STAT6: variants seen among roughly 807,000 people sequenced by gnomAD.
STAT6 encodes the protein STAT, interleukin4-induced.
A neutral mutation model predicts 106.3 loss-of-function variants in STAT6; 45 were observed. The observed-to-expected ratio is 0.42, with a 90% CI of 0.33 to 0.54. STAT6 has a LOEUF of 0.54. Ranked by LOEUF, STAT6 falls within the 20% of genes least tolerant of loss-of-function variation. The pLI is 0.06. For missense variants in STAT6, 797 were observed against 1,062.2 expected, an observed-to-expected ratio of 0.75 and a Z score of 3.47; for synonymous variants, 413 against 413.6, an observed-to-expected ratio of 1.00 and a Z score of 0.02.
chr12:57,099,846 G>A lies in STAT6; in HGVS notation c.1665C>T (p.Pro555=), dbSNP rs765180019. 4 of 1,614,208 alleles carry A rather than the reference G, an allele frequency of 2.5e-6. No individual in the cohort carries two copies. The highest frequency in any genetic ancestry group is 3.4e-6 in the Non-Finnish European group (4 of 1,180,034). ...TGAAGCGGAGGAGAAAGGTTCCGTC[G>A]GGCTCATTGAGAAGAAGGCTAGTAA... The part of the protein sequence containing the change: ...QYVTSLLLNE[P]DGTFLLRFSD... Residue 555 remains proline (P), a synonymous_variant, in exon 15 of 22, where the codon CCC becomes CCT. Coordinates refer to ENST00000300134, the MANE Select transcript of STAT6 (RefSeq NM_003153.5). This position sits in a 1 kb window ranked among gnomAD's most constrained non-coding sequence, Gnocchi z 4.7.
At chr12:57,101,950 C>T (rs938947842) in intron 13 of STAT6, among the ~76,000 whole-genome samples, 1 of 152,230 alleles carries the variant, frequency 6.6e-6, no homozygotes, top group Non-Finnish European at 1.5e-5. Context: ...AGGCATGAGC[C>T]GCTGTGCCCG....
Position 57,102,931 on chromosome 12 carries a change from G to A in STAT6, c.1213-10C>T. 1 of 1,551,218 alleles carries A rather than the reference G, an allele frequency of 6.4e-7. No homozygotes were observed. The highest frequency in any genetic ancestry group is 1.1e-5 in the South Asian group (1 of 88,986). Reference sequence around the variant, plus strand: ...GGGGCAGAGACAGGGCCTGAAGAGGGTGAGGACAGGGGTTTCTTTTCTTTC... The same window carrying A: ...GGGGCAGAGACAGGGCCTGAAGAGGATGAGGACAGGGGTTTCTTTTCTTTC... On this transcript the variant is annotated splice_polypyrimidine_tract_variant and intron_variant, in intron 11 of 21. Transcript: ENST00000300134.
chr12:57,100,078 C>G lies in STAT6; in HGVS notation c.1525G>C (p.Gly509Arg). ...WSQFNKEILL[G>R]RGFTFWQWFD... is the part of the protein sequence containing the mutation. ...CACTGCCAAAAGGTGAAGCCACGGC[C>G]CAGCAGGATCTCCTAGGGGGAGAGG... The change falls in exon 14 of 22, where the codon GGC (glycine) becomes CGC (arginine). Residue 509 changes from glycine to arginine, a missense_variant. Coordinates refer to ENST00000300134, the MANE Select transcript of STAT6 (RefSeq NM_003153.5). 6.2e-7 allele frequency: 1 copy of G among 1,602,630 alleles called. No homozygotes were observed. The highest frequency in any genetic ancestry group is 8.5e-7 in the Non-Finnish European group (1 of 1,174,462).
In STAT6 at chr12:57,097,071, G is replaced by A. The variant is rs1038801274; in HGVS notation, c.2222C>T (p.Pro741Leu). 1.3e-6 allele frequency: 2 copies of A among 1,548,124 alleles called. No homozygotes were observed. Among genetic ancestry groups the A allele is most frequent in the Admixed American group, 4.0e-5 (2 of 50,112 alleles). ...CAGGAGGGGCTTTGTCACTCACTGG[G>A]GGTGAGGCTGGTCAAAGGGCAGGCT... ...QMSLPFDQPHPQGLLPCQPQE... is the reference protein window; with the variant it reads ...QMSLPFDQPHLQGLLPCQPQE... The change falls in exon 20 of 22, where the codon CCC (proline) becomes CTC (leucine). Residue 741 changes from proline (P) to leucine (L), a missense_variant. By Grantham distance (98) the Pro-to-Leu change is moderately conservative. This residue lies in a region of STAT6 where 226 missense variants were observed against 236.7 expected (regional missense o/e 0.95). Coordinates refer to ENST00000300134, the MANE Select transcript of STAT6 (RefSeq NM_003153.5).
At chr12:57,106,048 GC>G in intron 7 of STAT6, 142 bp downstream of exon 7, 1 of 1,397,222 alleles carries the variant, frequency 7.2e-7, no homozygotes. Flanking sequence ...AGTGTGCACA[GC>G]CCCGCTGGAA....
Position 57,106,568 on chromosome 12 carries a change from C to T in STAT6, c.491G>A (p.Ser164Asn). ...GAEAGQVSLH[S>N]LIETPANGTG... ...CCCATTAGCAGGAGTTTCTATCAAG[C>T]TGTGCAGAGACACTGAGGGTTGGGG... Residue 164 changes from serine to asparagine, a missense_variant, in exon 6 of 22, where the codon AGC becomes AAC. Transcript: ENST00000300134. 1 of 1,614,190 alleles carries T rather than the reference C, an allele frequency of 6.2e-7. No homozygotes were observed. The highest frequency in any genetic ancestry group is 1.1e-5 in the South Asian group (1 of 91,080).
intron 13 of STAT6, chr12:57,101,012 G>T (rs1049334489): frequency 1.4e-5 from 4 of 279,666 alleles, no homozygotes; most frequent in Non-Finnish European, 7.5e-6. Context: ...CTGTCAACAC[G>T]TGGTAGCTGG....
At chr12:57,104,383 G>A in intron 11 of STAT6, 81 bp downstream of exon 11, 4 of 1,533,222 alleles carry the variant, frequency 2.6e-6, no homozygotes, top group East Asian at 4.8e-5. Context: ...GTCACAAGAG[G>A]TGAGGGTCCA....
chr12:57,099,750 G>A lies in STAT6; in HGVS notation c.1744+17C>T. The A allele has an allele frequency of 6.2e-7, 1 of 1,609,606 alleles. No individual in the cohort carries two copies. The highest frequency in any genetic ancestry group is 2.2e-5 in the East Asian group (1 of 44,824). On this transcript the variant is annotated intron_variant, in intron 15 of 21. Transcript: ENST00000300134. The surrounding 1 kb of genome is among the most constrained non-coding windows in gnomAD (Gnocchi z 4.7). The stretch of plus-strand genomic sequence containing the variant: ...GGCACAGGCACAGAGACAGAGGACT[G>A]GCTGGGGTGGCCTCACCATCCTGGC...
intron 7 of STAT6, chr12:57,105,929 C>T: frequency 1.6e-6 from 1 of 642,288 alleles, no homozygotes; most frequent in Non-Finnish European, 2.6e-6. Context: ...AATGGAAAAG[C>T]CCTCCTATTC....
rs747211896 is a variant in STAT6, at chr12:57,108,177, C to T, written c.102G>A (p.Leu34=). Residue 34 remains leucine (L), a synonymous_variant, in exon 2 of 22, where the codon CTG becomes CTA. Transcript: ENST00000300134. The part of the protein sequence containing the change: ...QHLRHLLGDW[L]ESQPWEFLVG... Reference sequence around the variant, plus strand: ...CCAGGACTCACCAGGGCTGGCTCTCCAGCCAGTCACCCAGAAGATGCCGCA... The same window carrying T: ...CCAGGACTCACCAGGGCTGGCTCTCTAGCCAGTCACCCAGAAGATGCCGCA... The T allele has an allele frequency of 2.5e-6, 4 of 1,609,046 alleles. No individual in the cohort carries two copies. Among genetic ancestry groups the T allele is most frequent in the Non-Finnish European group, 3.4e-6 (4 of 1,177,120 alleles).
At chr12:57,107,501 A>G in intron 3 of STAT6, 104 bp downstream of exon 3, 2 of 1,458,226 alleles carry the variant, frequency 1.4e-6, no homozygotes, top group Non-Finnish European at 9.4e-7. Flanking sequence ...CCACAGGAAC[A>G]CCAATTTGCT....
In STAT6 at chr12:57,099,175, G is replaced by A. The variant is rs2033656755; in HGVS notation, c.1892-97C>T. ...CATGGATCATGGGGAAGTAAGAGAA[G>A]CACAGCTATGAAATAGGGAGTGACA... On this transcript the variant is annotated intron_variant, in intron 16 of 21. Coordinates refer to ENST00000300134, the MANE Select transcript of STAT6 (RefSeq NM_003153.5). The surrounding 1 kb of genome is among the most constrained non-coding windows in gnomAD (Gnocchi z 4.7). The A allele has an allele frequency of 1.3e-6, 2 of 1,594,448 alleles. No individual in the cohort carries two copies. Among genetic ancestry groups the A allele is most frequent in the Admixed American group, 1.7e-5 (1 of 59,974 alleles).
In STAT6 at chr12:57,102,941, GGGTTTCTTTTCTTTC is replaced by G; in HGVS notation, c.1213-35_1213-21del. The G allele has an allele frequency of 7.4e-7, 1 of 1,356,078 alleles. No homozygotes were observed. The highest frequency in any genetic ancestry group is 1.0e-6 in the Non-Finnish European group (1 of 996,402). 84.0% of individuals were successfully genotyped at this position (1,356,078 alleles called of 1,614,324 possible). A position where few individuals can be genotyped will look rare whatever the true frequency, so the allele number is the denominator to read the frequency against. ...CAGGGCCTGAAGAGGGTGAGGACAG[GGGTTTCTTTTCTTTC>G]TTTCTTTCCTTTTTTTTTTTTTTTT... On this transcript the variant is annotated intron_variant, in intron 11 of 21. Coordinates refer to ENST00000300134, the MANE Select transcript of STAT6 (RefSeq NM_003153.5).
rs373089810 is a variant in STAT6 at position 57,105,356 on chromosome 12, C to T, written c.813-17G>A. ...AGGAAGCAACTGGGAGTGAGGAGGA[C>T]ACAAGGGGAGTTGGGGGCTAGGTCC... On this transcript the variant is annotated splice_polypyrimidine_tract_variant and intron_variant, in intron 8 of 21. Coordinates refer to ENST00000300134, the MANE Select transcript of STAT6 (RefSeq NM_003153.5). The T allele has an allele frequency of 7.1e-4, 1,146 of 1,612,690 alleles. 19 individuals carry two copies. In the South Asian group the frequency reaches 0.012, roughly 17 times the overall value.
At chr12:57,100,700 GAGAAAGAAAGAA>G (rs56962899) in intron 13 of STAT6, 880 of 64,670 alleles carry the variant, frequency 0.014, 24 homozygotes, top group Middle Eastern at 0.057. Flanking sequence ...AAGAAAGAAA[GAGAAAGAAAGAA>G]AGAAAGAAAG....
chr12:57,096,580 TG>T lies in STAT6; in HGVS notation c.2535del (p.Ser846ValfsTer120). 1 of 1,590,706 alleles carries T rather than the reference TG, an allele frequency of 6.3e-7. No individual in the cohort carries two copies. Among genetic ancestry groups the T allele is most frequent in the Non-Finnish European group, 8.5e-7 (1 of 1,170,352 alleles). On this transcript the variant is annotated frameshift_variant, in exon 22 of 22. Transcript: ENST00000300134. LOFTEE classifies it high-confidence loss of function. Reference protein sequence around the residue: ...SMSHMDLRANPSW With the variant: ...SMSHMDLRANXSW ...TCTCCCTCCAGCTGGGATCACCAACTGGGGTTGGCCCTTAGGTCCATGTGGG... is the reference window on the plus strand; with the variant it reads ...TCTCCCTCCAGCTGGGATCACCAACTGGGTTGGCCCTTAGGTCCATGTGGG...
Position 57,096,618 on chromosome 12 carries a change from C to T in STAT6, c.2498G>A (p.Gly833Glu). The T allele has an allele frequency of 6.2e-7, 1 of 1,608,016 alleles. No individual in the cohort carries two copies. The change falls in exon 22 of 22, where the codon GGG becomes GAG. Residue 833 changes from glycine (G) to glutamate (E), a missense_variant. Coordinates refer to ENST00000300134, the MANE Select transcript of STAT6 (RefSeq NM_003153.5). The part of the protein sequence containing the change: ...LLQPSHYGQS[G>E]ISMSHMDLRA... ...TAGGTCCATGTGGGACATTGAGATC[C>T]CAGATTGCCCATAGTGGGAGGGCTG...
chr12:57,100,609 CAAAA>C (rs1227913236), intron 13 of STAT6, among the ~76,000 whole-genome samples: 8 of 130,996 alleles, frequency 6.1e-5, no homozygotes, highest in African/African-American at 1.7e-4. Context: ...CTGTCTCACA[CAAAA>C]GAAAGAAAAA....
Sources: gnomAD v4.1 joint callset for allele counts (sites outside exome capture counted in the v4.1 genomes callset) on GRCh38, gnomAD v4.1.1 for gene constraint, gnomAD v4.1.1 regional missense constraint, Gnocchi (gnomAD v3.1) non-coding constraint, MANE v1.5 for transcripts, NCBI Gene and HGNC (gene_info 2026-07-23, HGNC 2026-07-21) for gene names.